MYOC: variants seen among roughly 807,000 people sequenced by gnomAD.
MYOC encodes the protein juvenile-onset open-angle glaucoma 1.
MYOC carries 29 observed loss-of-function variants against 28.2 expected under a neutral mutation model. The observed-to-expected ratio is 1.03, with a 90% CI of 0.77 to 1.40. The LOEUF (loss-of-function observed/expected upper bound fraction) is 1.40. Ranked by LOEUF, MYOC falls within the 40% of genes most tolerant of loss-of-function variation. The pLI, the probability that MYOC is intolerant of heterozygous loss-of-function variation, is 0.00. For synonymous variants in MYOC, 240 were observed against 245.6 expected, an observed-to-expected ratio of 0.98 and a Z score of 0.21; for missense variants, 569 against 620.6, an observed-to-expected ratio of 0.92 and a Z score of 0.88.
Position 171,652,577 on chromosome 1 carries a change from C to T in MYOC, c.35G>A (p.Gly12Glu). The change falls in exon 1 of 3, where the codon GGG becomes GAG. Residue 12 changes from glycine to glutamate, a missense_variant. By Grantham distance (98) the Gly-to-Glu change is moderately conservative (BLOSUM62 -2). Transcript: ENST00000037502. The stretch of plus-strand genomic sequence containing the variant: ...CAGCTGGACAGCTGGCATCTCAGGC[C>T]CAAAGCTGCAGCAACGTGCACAGAA... ...RFFCARCCSF[G>E]PEMPAVQLLL... The T allele has an allele frequency of 6.2e-7, 1 of 1,614,184 alleles. No homozygotes were observed. The highest frequency in any genetic ancestry group is 1.1e-5 in the South Asian group (1 of 91,066).
intron 2 of MYOC, 151 bp downstream of exon 2, chr1:171,638,446 T>A (rs1322158036): frequency 3.5e-6 from 3 of 855,772 alleles, no homozygotes; most frequent in African/African-American, 1.7e-5. Context: ...AGAGAGAGAG[T>A]TCTGTTCCTC....
At chr1:171,640,153 T>C (rs1308070040) in intron 1 of MYOC, among the ~76,000 whole-genome samples, 1 of 151,944 alleles carries the variant, frequency 6.6e-6, no homozygotes, top group African/African-American at 2.4e-5. Context: ...CAAATATTCT[T>C]GTAAGAAGTA....
chr1:171,647,303 ATCACGAGGTCGGGAGTTC>A (rs1653228462), intron 1 of MYOC, among the ~76,000 whole-genome samples: 1 of 152,172 alleles, frequency 6.6e-6, no homozygotes, highest in East Asian at 1.9e-4. Flanking sequence ...AGGCGGGTGG[ATCACGAGGTCGGGAGTTC>A]AAGACCAGCC....
intron 1 of MYOC, among the ~76,000 whole-genome samples, chr1:171,647,806 C>T (rs1475682582): frequency 6.6e-6 from 1 of 152,202 alleles, no homozygotes; most frequent in Non-Finnish European, 1.5e-5. Context: ...GCTGAGGCAA[C>T]CTGCCTCTTG....
intron 1 of MYOC, among the ~76,000 whole-genome samples, chr1:171,640,977 A>C (rs1346081291): frequency 2.0e-5 from 3 of 152,178 alleles, no homozygotes; most frequent in Non-Finnish European, 2.9e-5. Context: ...AATGGTGGAC[A>C]CATGTCACTA....
At position 171,648,912 on chromosome 1, in the gene MYOC, C is replaced by T. The variant is rs576094661; in HGVS notation, c.604+3096G>A. Among the ~76,000 whole-genome samples the T allele has an allele frequency of 1.6e-3, 246 of 151,010 alleles. 2 individuals carry two copies. Among genetic ancestry groups the T allele is most frequent in the Admixed American group, 3.2e-3 (48 of 15,158 alleles). Reference sequence around the variant, plus strand: ...ACAGTGGCCAGGCTGGTCTTAAACTCCTGACCTCAAGTGATCTGTCCACCT... The same window carrying T: ...ACAGTGGCCAGGCTGGTCTTAAACTTCTGACCTCAAGTGATCTGTCCACCT... On this transcript the variant is annotated intron_variant, in intron 1 of 2. Transcript: ENST00000037502.
chr1:171,649,666 A>G (rs1466769165), intron 1 of MYOC, among the ~76,000 whole-genome samples: 1 of 152,174 alleles, frequency 6.6e-6, no homozygotes, highest in Non-Finnish European at 1.5e-5. Context: ...ATGGTGGCAC[A>G]TGCCTATAAT....
At chr1:171,645,962 A>C (rs1653191330) in intron 1 of MYOC, among the ~76,000 whole-genome samples, 1 of 152,258 alleles carries the variant, frequency 6.6e-6, no homozygotes, top group Non-Finnish European at 1.5e-5. Context: ...GCAATAAAAC[A>C]AAATGTCAGG....
intron 2 of MYOC, among the ~76,000 whole-genome samples, chr1:171,637,243 G>T (rs1316495139): frequency 6.6e-6 from 1 of 152,108 alleles, no homozygotes; most frequent in Non-Finnish European, 1.5e-5. Flanking sequence ...TTCATGCCTG[G>T]TTTATTTCAT....
chr1:171,642,885 GT>G (rs201811395), intron 1 of MYOC, among the ~76,000 whole-genome samples: 16,798 of 63,754 alleles, frequency 0.26, 1,236 homozygotes, highest in East Asian at 0.37. Context: ...GCTAGTCTAT[GT>G]TTAAAAAAAA....
At chr1:171,648,254 G>A (rs952519135) in intron 1 of MYOC, among the ~76,000 whole-genome samples, 1 of 151,520 alleles carries the variant, frequency 6.6e-6, no homozygotes, top group Non-Finnish European at 1.5e-5. Context: ...TCAGGGAAGC[G>A]CAATATACTC....
At chr1:171,648,188 T>TAA (rs11295938) in intron 1 of MYOC, among the ~76,000 whole-genome samples, 1 of 144,790 alleles carries the variant, frequency 6.9e-6, no homozygotes, top group African/African-American at 2.5e-5. Flanking sequence ...GACTCCATCT[T>TAA]AAAAAAAAAA....
intron 1 of MYOC, among the ~76,000 whole-genome samples, chr1:171,639,215 T>C (rs1653014528): frequency 6.6e-6 from 1 of 152,230 alleles, no homozygotes; most frequent in Admixed American, 6.5e-5. Context: ...GATTGGACTG[T>C]GCTGATAACA....
At chr1:171,648,152 G>A (rs185718997) in intron 1 of MYOC, among the ~76,000 whole-genome samples, 5 of 150,446 alleles carry the variant, frequency 3.3e-5, no homozygotes, top group East Asian at 2.0e-4. Flanking sequence ...TCGTGCCACC[G>A]CACTCCAGCC....
At chr1:171,646,501 G>GTTT (rs370758061) in intron 1 of MYOC, among the ~76,000 whole-genome samples, 1 of 129,902 alleles carries the variant, frequency 7.7e-6, no homozygotes, top group South Asian at 2.4e-4. Context: ...TTTTTTTTTT[G>GTTT]TTTTTTTTTT....
chr1:171,639,638 C>T (rs1202138062), intron 1 of MYOC, among the ~76,000 whole-genome samples: 2 of 124,054 alleles, frequency 1.6e-5, no homozygotes, highest in East Asian at 2.2e-4. Context: ...GAGCAAGGCC[C>T]GGTCTCAAGG....
chr1:171,646,617 C>T (rs1305633160), intron 1 of MYOC, among the ~76,000 whole-genome samples: 1 of 151,788 alleles, frequency 6.6e-6, no homozygotes, highest in Non-Finnish European at 1.5e-5. Context: ...CTGCCTCAGC[C>T]TCCTGAGTAG....
intron 2 of MYOC, among the ~76,000 whole-genome samples, 199 bp from the exon 3 acceptor site, chr1:171,636,908 T>C (rs1006816359): frequency 2.6e-5 from 4 of 152,206 alleles, no homozygotes; most frequent in African/African-American, 9.6e-5. Flanking sequence ...GCCTCAGTTA[T>C]CGCATTTGTA....
Position 171,636,466 on chromosome 1 carries a change from G to A in MYOC, c.974C>T (p.Thr325Met), listed in dbSNP as rs147122394. Residue 325 changes from threonine to methionine, a missense_variant, in exon 3 of 3, where the codon ACG becomes ATG. Transcript: ENST00000037502. The stretch of plus-strand genomic sequence containing the variant: ...GCTCCCCGAGTACACCACAGCACCC[G>A]TGCTTTCCAGTGGCCTAGGCAGTAT... ...VHILPRPLESTGAVVYSGSLY... is the reference protein window; with the variant it reads ...VHILPRPLESMGAVVYSGSLY... The A allele has an allele frequency of 2.2e-5, 35 of 1,613,914 alleles. No homozygotes were observed. The highest frequency in any genetic ancestry group is 1.6e-4 in the Middle Eastern group (1 of 6,084).
Sources: gnomAD v4.1 joint callset for allele counts (sites outside exome capture counted in the v4.1 genomes callset) on GRCh38, gnomAD v4.1.1 for gene constraint, MANE v1.5 for transcripts, NCBI Gene and HGNC (gene_info 2026-07-23, HGNC 2026-07-21) for gene names.